The following FGD6 variants were observed in gnomAD, a reference collection of about 807,000 sequenced individuals.
FGD6 encodes the protein FYVE, RhoGEF and PH domain containing 6.
Under a neutral mutation model 149.4 loss-of-function variants are expected in FGD6, and 90 were observed. The ratio of observed to expected loss-of-function variants is 0.60; its 90% CI spans 0.51 to 0.72. The LOEUF (loss-of-function observed/expected upper bound fraction) is 0.72. FGD6 is among the 30% of genes least tolerant of loss of function. FGD6 has a pLI of 0.00. For synonymous variants in FGD6, 527 were observed against 584.0 expected, an observed-to-expected ratio of 0.90 and a Z score of 1.41; for missense variants, 1,437 against 1,684.8, an observed-to-expected ratio of 0.85 and a Z score of 2.57.
intron 2 of FGD6, among the ~76,000 whole-genome samples, chr12:95,204,263 A>C (rs984884138): frequency 6.6e-6 from 1 of 152,062 alleles, no homozygotes; most frequent in African/African-American, 2.4e-5. Flanking sequence ...CTTCATCTTC[A>C]GGTTTGGCTG....
Position 95,217,400 on chromosome 12 carries a change from G to T in FGD6, c.-160C>A, listed in dbSNP as rs1055264592. On this transcript the variant is annotated 5_prime_UTR_variant, in exon 1 of 21. Transcript: ENST00000343958. ...AGCCTGAGCGCCACACAAAGGACGC[G>T]GCCGACTCTAGCGACCCTGCGGCGC... 3.3e-5 allele frequency: 40 copies of T among 1,212,994 alleles called. No individual in the cohort carries two copies. The highest frequency in any genetic ancestry group is 7.7e-5 in the Admixed American group (2 of 26,062). 75.1% of individuals were successfully genotyped at this position (1,212,994 alleles called of 1,614,324 possible). A position where few individuals can be genotyped will look rare whatever the true frequency, so the allele number is the denominator to read the frequency against.
chr12:95,110,177 C>T (rs1335777898), intron 9 of FGD6, among the ~76,000 whole-genome samples: 5 of 152,038 alleles, frequency 3.3e-5, no homozygotes, highest in South Asian at 4.2e-4. Flanking sequence ...GGGGTTTCAC[C>T]GTGTTAGCCA....
chr12:95,144,247 CG>C (rs1484445754), intron 5 of FGD6, among the ~76,000 whole-genome samples: 1 of 152,078 alleles, frequency 6.6e-6, no homozygotes, highest in Non-Finnish European at 1.5e-5. Context: ...TCAGGTAGCT[CG>C]GAATGGACTG....
At chr12:95,167,036 T>C (rs1025318042) in intron 3 of FGD6, among the ~76,000 whole-genome samples, 2 of 152,026 alleles carry the variant, frequency 1.3e-5, no homozygotes, top group Admixed American at 6.6e-5. Flanking sequence ...TATGTACTTT[T>C]AGTAGAGACG....
chr12:95,091,553 C>G (rs575147942), intron 17 of FGD6, among the ~76,000 whole-genome samples, 154 bp downstream of exon 17: 1 of 152,308 alleles, frequency 6.6e-6, no homozygotes, highest in South Asian at 2.1e-4. Context: ...CCCAGAATTA[C>G]AACAAAATAT....
intron 20 of FGD6, among the ~76,000 whole-genome samples, chr12:95,083,002 A>AT (rs1565890758): frequency 1.6e-4 from 8 of 49,300 alleles, no homozygotes; most frequent in Non-Finnish European, 2.8e-4. Context: ...AAAAAAAAAA[A>AT]AAAAAAAAAA....
chr12:95,104,119 A>T (rs1878532950), intron 14 of FGD6, among the ~76,000 whole-genome samples: 1 of 152,152 alleles, frequency 6.6e-6, no homozygotes, highest in Non-Finnish European at 1.5e-5. Flanking sequence ...GAACATTTTA[A>T]TCTCTGTGCT....
chr12:95,104,214 AAAG>A (rs1286121441), intron 14 of FGD6, among the ~76,000 whole-genome samples: 12 of 152,300 alleles, frequency 7.9e-5, no homozygotes, highest in African/African-American at 1.4e-4. Context: ...GAAAGAAGAA[AAAG>A]AAGAACAAAA....
At chr12:95,183,140 A>T (rs1427859602) in intron 2 of FGD6, among the ~76,000 whole-genome samples, 1 of 152,304 alleles carries the variant, frequency 6.6e-6, no homozygotes, top group East Asian at 1.9e-4. Flanking sequence ...AAGGGCTCCA[A>T]ATGGTCTCAC....
At chr12:95,169,837 G>C (rs1279723987) in intron 3 of FGD6, among the ~76,000 whole-genome samples, 1 of 152,058 alleles carries the variant, frequency 6.6e-6, no homozygotes, top group East Asian at 1.9e-4. Context: ...AAGACAATTT[G>C]AGGCCAGGCG....
chr12:95,089,834 A>T, intron 17 of FGD6, 138 bp from the exon 18 acceptor site: 1 of 1,094,960 alleles, frequency 9.1e-7, no homozygotes, highest in Non-Finnish European at 1.3e-6. Flanking sequence ...CTGGAAAAGG[A>T]CAATGGATGG....
intron 2 of FGD6, among the ~76,000 whole-genome samples, chr12:95,184,393 T>C (rs1324304676): frequency 1.3e-5 from 2 of 152,180 alleles, no homozygotes; most frequent in Admixed American, 1.3e-4. Flanking sequence ...TATATACAAG[T>C]AAGCCTATTT....
chr12:95,211,364 A>G, intron 1 of FGD6, 97 bp from the exon 2 acceptor site: 4 of 1,413,102 alleles, frequency 2.8e-6, no homozygotes, highest in South Asian at 1.5e-5. Context: ...TAACAATATG[A>G]CCTTGCCTTT....
chr12:95,174,492 G>A (rs1265535941), intron 2 of FGD6, among the ~76,000 whole-genome samples: 3 of 152,160 alleles, frequency 2.0e-5, no homozygotes, highest in African/African-American at 7.2e-5. Context: ...ATCAGGATCC[G>A]TGCTGTAACA....
intron 8 of FGD6, chr12:95,116,715 T>C (rs1879026415): frequency 4.9e-6 from 2 of 404,774 alleles, no homozygotes; most frequent in African/African-American, 4.1e-5. Context: ...AAAAATATCT[T>C]TATGGTCTAC....
chr12:95,100,652 T>C, intron 14 of FGD6: 1 of 536,324 alleles, frequency 1.9e-6, no homozygotes, highest in Admixed American at 1.9e-5. Flanking sequence ...ACTATGGAGC[T>C]TGGCAGAGCT....
intron 5 of FGD6, among the ~76,000 whole-genome samples, chr12:95,146,225 C>T (rs539836033): frequency 1.7e-4 from 26 of 152,288 alleles, no homozygotes; most frequent in African/African-American, 5.5e-4. Flanking sequence ...CAGCTCTTCA[C>T]GAACCTCAGC....
At chr12:95,121,876 T>G (rs1191277012) in intron 8 of FGD6, among the ~76,000 whole-genome samples, 1 of 152,038 alleles carries the variant, frequency 6.6e-6, no homozygotes, top group African/African-American at 2.4e-5. Context: ...GGCTGGTTAT[T>G]TTTCAAATTA....
At chr12:95,099,774 A>C (rs886873122) in intron 14 of FGD6, among the ~76,000 whole-genome samples, 1 of 152,084 alleles carries the variant, frequency 6.6e-6, no homozygotes, top group Non-Finnish European at 1.5e-5. Context: ...CATAAATTAG[A>C]TATTATCACT....
Sources: gnomAD v4.1 joint callset for allele counts (sites outside exome capture counted in the v4.1 genomes callset) on GRCh38, gnomAD v4.1.1 for gene constraint, MANE v1.5 for transcripts, NCBI Gene and HGNC (gene_info 2026-07-23, HGNC 2026-07-21) for gene names.